The following PCDHGA8 variants were observed in gnomAD, a reference collection of about 807,000 sequenced individuals.
The protein encoded by PCDHGA8 is protocadherin gamma subfamily A, 8, also known as protocadherin gamma-A8.
In PCDHGA8, 45 loss-of-function variants were observed where a neutral mutation model predicts 59.2. The observed-to-expected ratio is 0.76, with a 90% CI of 0.60 to 0.98. The LOEUF (loss-of-function observed/expected upper bound fraction) is 0.98, where lower values mean the gene tolerates loss of function less well. PCDHGA8 is among the 50% of genes least tolerant of loss of function. PCDHGA8 has a pLI of 0.00. For synonymous variants in PCDHGA8, 531 were observed against 519.0 expected, an observed-to-expected ratio of 1.02 and a Z score of -0.32; for missense variants, 1,257 against 1,196.2, an observed-to-expected ratio of 1.05 and a Z score of -0.75.
At chr5:141,437,930 G>A (rs142381129) in intron 1 of PCDHGA8, among the ~76,000 whole-genome samples, 2,019 of 152,152 alleles carry the variant, frequency 0.013, 16 homozygotes, top group Middle Eastern at 0.034. Context: ...TAGAGATGGG[G>A]TTTCACCATA....
intron 2 of PCDHGA8, among the ~76,000 whole-genome samples, chr5:141,495,662 C>G (rs545912968): frequency 6.6e-6 from 1 of 152,138 alleles, no homozygotes; most frequent in Admixed American, 6.6e-5. Flanking sequence ...TGATCTGTGC[C>G]GCCCACTGTG....
Position 141,394,610 on chromosome 5 carries a change from C to T in PCDHGA8, c.1797C>T (p.Gly599=). 6.2e-7 allele frequency: 1 copy of T among 1,613,488 alleles called. No individual in the cohort carries two copies. Among genetic ancestry groups the T allele is most frequent in the African/African-American group, 1.3e-5 (1 of 75,020 alleles). ...TKVVAVDRDS[G]QNAWLSYRLL... ...TGGTGGCGGTGGACAGAGACTCGGGCCAGAACGCCTGGCTGTCCTACCGCC... is the reference window on the plus strand; with the variant it reads ...TGGTGGCGGTGGACAGAGACTCGGGTCAGAACGCCTGGCTGTCCTACCGCC... The change falls in exon 1 of 4, where the codon GGC becomes GGT. Residue 599 remains glycine (G), a synonymous_variant. Transcript: ENST00000398604.
At chr5:141,473,635 C>A (rs945632106) in intron 1 of PCDHGA8, among the ~76,000 whole-genome samples, 1 of 152,128 alleles carries the variant, frequency 6.6e-6, no homozygotes, top group African/African-American at 2.4e-5. Flanking sequence ...AGCAGCTTTC[C>A]TGGCAAAGGA....
Position 141,409,903 on chromosome 5 carries a change from G to C in PCDHGA8, c.2424+14666G>C, listed in dbSNP as rs570063514. 6.2e-6 allele frequency: 10 copies of C among 1,613,268 alleles called. No individual in the cohort carries two copies. The South Asian group carries it at 9.9e-5, about 16-fold the overall frequency. ...CACCGCGGGTGCTGTACCCAGCTCTGGGTCCTGACGGCTCCGCGTTCTTCG... is the reference window on the plus strand; with the variant it reads ...CACCGCGGGTGCTGTACCCAGCTCTCGGTCCTGACGGCTCCGCGTTCTTCG... On this transcript the variant is annotated intron_variant, in intron 1 of 3. Coordinates refer to ENST00000398604, the MANE Select transcript of PCDHGA8 (RefSeq NM_032088.2).
intron 1 of PCDHGA8, chr5:141,409,865 C>A: frequency 6.2e-7 from 1 of 1,612,574 alleles, no homozygotes; most frequent in Non-Finnish European, 8.5e-7. Flanking sequence ...GGTGGGAGAC[C>A]GCAATGACAA....
At chr5:141,427,774 G>A (rs760144039) in intron 1 of PCDHGA8, 1 of 1,420,908 alleles carries the variant, frequency 7.0e-7, no homozygotes, top group Non-Finnish European at 9.8e-7. Context: ...TTGGAGCTGC[G>A]GGCACTGTCG....
Position 141,485,342 on chromosome 5 carries a change from G to C in PCDHGA8, c.2425-9465G>C. 1.2e-6 allele frequency: 2 copies of C among 1,614,164 alleles called. No individual in the cohort carries two copies. Among genetic ancestry groups the C allele is most frequent in the Non-Finnish European group, 1.7e-6 (2 of 1,180,026 alleles). On this transcript the variant is annotated intron_variant, in intron 1 of 3. Coordinates refer to ENST00000398604, the MANE Select transcript of PCDHGA8 (RefSeq NM_032088.2). The surrounding 1 kb of genome is among the most constrained non-coding windows in gnomAD (Gnocchi z 5.7). The stretch of plus-strand genomic sequence containing the variant: ...CGCTCAAGATTTCCTGCTGGATACG[G>C]ACAGTCTGTCAGCTCGCAGGCTGCA...
At chr5:141,448,394 T>C (rs1360417681) in intron 1 of PCDHGA8, among the ~76,000 whole-genome samples, 1 of 152,206 alleles carries the variant, frequency 6.6e-6, no homozygotes. Context: ...TACATTTACA[T>C]GGTTTTAAAA....
intron 1 of PCDHGA8, chr5:141,405,598 T>G: frequency 1.7e-6 from 1 of 577,840 alleles, no homozygotes; most frequent in South Asian, 2.2e-5. Context: ...GCCTCCCAAG[T>G]AGAATAACTG....
chr5:141,399,643 C>T, intron 1 of PCDHGA8: 1 of 1,613,832 alleles, frequency 6.2e-7, no homozygotes, highest in Non-Finnish European at 8.5e-7. Context: ...CATGAGCGCG[C>T]AAAGTGGGGT....
chr5:141,508,901 C>T (rs1466455227), intron 3 of PCDHGA8, among the ~76,000 whole-genome samples: 1 of 151,946 alleles, frequency 6.6e-6, no homozygotes, highest in South Asian at 2.1e-4. Flanking sequence ...GGGGGCGGGG[C>T]GGTGGCGGAT....
intron 1 of PCDHGA8, chr5:141,408,214 C>G (rs1225368283): frequency 1.3e-6 from 2 of 1,555,192 alleles, no homozygotes; most frequent in Admixed American, 2.0e-5. Context: ...TGGGAGGGAG[C>G]TGCGCGCAGA....
intron 1 of PCDHGA8, chr5:141,423,611 C>T: frequency 1.1e-5 from 18 of 1,611,094 alleles, no homozygotes; most frequent in Non-Finnish European, 1.5e-5. Flanking sequence ...CTCTTGATAG[C>T]TGAAGACTCA....
intron 1 of PCDHGA8, chr5:141,403,166 A>G (rs907710099): frequency 1.2e-6 from 2 of 1,614,002 alleles, no homozygotes; most frequent in Non-Finnish European, 1.7e-6. Flanking sequence ...TAGAGGTAGG[A>G]CGCAGCTTTT....
At chr5:141,503,660 C>A (rs2099827842) in intron 2 of PCDHGA8, among the ~76,000 whole-genome samples, 1 of 150,420 alleles carries the variant, frequency 6.6e-6, no homozygotes, top group Non-Finnish European at 1.5e-5. Flanking sequence ...AACAGAATTA[C>A]AACTCTTCCC....
chr5:141,413,668 G>T lies in PCDHGA8; in HGVS notation c.2424+18431G>T, dbSNP rs1286766786. ...TCCTCTCCCGGAAGCTATTGATCCG[G>T]ATGTGGGCGTGAACTCCCTGCAGAG... is the stretch of plus-strand genomic sequence containing the variant. On this transcript the variant is annotated intron_variant, in intron 1 of 3. Transcript: ENST00000398604. 6 of 1,613,754 alleles carry T rather than the reference G, an allele frequency of 3.7e-6. No homozygotes were observed. The Admixed American group carries it at 8.3e-5, about 22-fold the overall frequency.
At chr5:141,421,846 G>A (rs1187020807) in intron 1 of PCDHGA8, 2 of 1,613,642 alleles carry the variant, frequency 1.2e-6, no homozygotes, top group East Asian at 4.5e-5. Context: ...AGAGAAAGAG[G>A]CTGCTCACCT....
Position 141,486,617 on chromosome 5 carries a change from C to G in PCDHGA8, c.2425-8190C>G. ...GCTTTGCTCCCTTGCAGCCTCTGAC[C>G]CAGACTCTGGCTTGAATGCGCTTAT... On this transcript the variant is annotated intron_variant, in intron 1 of 3. Transcript: ENST00000398604. This position sits in a 1 kb window ranked among gnomAD's most constrained non-coding sequence, Gnocchi z 5.0. 1 of 1,613,602 alleles carries G rather than the reference C, an allele frequency of 6.2e-7. No homozygotes were observed. Among genetic ancestry groups the G allele is most frequent in the South Asian group, 1.1e-5 (1 of 91,086 alleles).
At chr5:141,460,989 A>G (rs199888312) in intron 1 of PCDHGA8, among the ~76,000 whole-genome samples, 3,445 of 98,242 alleles carry the variant, frequency 0.035, 55 homozygotes, top group African/African-American at 0.064. Context: ...GTGTGTATAT[A>G]TATATATGTG....
Sources: gnomAD v4.1 joint callset for allele counts (sites outside exome capture counted in the v4.1 genomes callset) on GRCh38, gnomAD v4.1.1 for gene constraint, Gnocchi (gnomAD v3.1) non-coding constraint, MANE v1.5 for transcripts, NCBI Gene and HGNC (gene_info 2026-07-23, HGNC 2026-07-21) for gene names.